Variants in TEC observed in about 807,000 individuals in gnomAD.
The protein encoded by TEC is tec protein tyrosine kinase.
A neutral mutation model predicts 93.0 loss-of-function variants in TEC; 72 were observed. The observed-to-expected ratio is 0.77, with a 90% CI of 0.64 to 0.94. The LOEUF is 0.94. TEC is among the 40% of genes least tolerant of loss of function. The pLI is 0.00. For synonymous variants in TEC, 249 were observed against 247.7 expected (o/e 1.01, Z -0.05); for missense variants, 630 against 757.9 (o/e 0.83, Z 1.98).
intron 1 of TEC, among the ~76,000 whole-genome samples, chr4:48,233,340 CT>C (rs34862159): frequency 0.18 from 24,393 of 138,382 alleles, 2,186 homozygotes; most frequent in Non-Finnish European, 0.21. Context: ...CCAATTGACA[CT>C]TTTTTTTTTT....
chr4:48,143,726 T>C (rs1372571448), intron 14 of TEC, among the ~76,000 whole-genome samples: 3 of 152,224 alleles, frequency 2.0e-5, no homozygotes, highest in African/African-American at 7.2e-5. Flanking sequence ...GTAGGGACTT[T>C]AGAGCCAAAC....
chr4:48,179,360 ATATATATATATATATATTTTTT>A (rs1721477060), intron 2 of TEC, among the ~76,000 whole-genome samples: 1 of 40,482 alleles, frequency 2.5e-5, no homozygotes, highest in Non-Finnish European at 5.2e-5. Flanking sequence ...ATATATATAT[ATATATATATATATATATTTTTT>A]TTTTTTTTTT....
intron 8 of TEC, among the ~76,000 whole-genome samples, chr4:48,162,536 CA>C (rs1720716184): frequency 6.6e-6 from 1 of 152,206 alleles, no homozygotes; most frequent in Non-Finnish European, 1.5e-5. Context: ...CACCTTTTAG[CA>C]CCTTCCCTAA....
intron 9 of TEC, among the ~76,000 whole-genome samples, chr4:48,152,783 T>C (rs928149385): frequency 6.6e-6 from 1 of 152,194 alleles, no homozygotes; most frequent in African/African-American, 2.4e-5. Flanking sequence ...GGCATGGTTA[T>C]GTGTAGTTGT....
chr4:48,193,806 T>C (rs1455980090), intron 2 of TEC, among the ~76,000 whole-genome samples: 1 of 151,942 alleles, frequency 6.6e-6, no homozygotes, highest in East Asian at 1.9e-4. Flanking sequence ...TTTATATCTT[T>C]ATGAAAGTGG....
At chr4:48,264,393 C>T (rs6447624) in intron 1 of TEC, among the ~76,000 whole-genome samples, 140,400 of 152,276 alleles carry the variant, frequency 0.92, 65,861 homozygotes, top group East Asian at 1. Flanking sequence ...TCAGGGGGTC[C>T]GTACACAAAC....
intron 4 of TEC, among the ~76,000 whole-genome samples, chr4:48,170,882 C>T (rs1721076428): frequency 6.6e-6 from 1 of 152,102 alleles, no homozygotes; most frequent in South Asian, 2.1e-4. Context: ...GAAACCCTGT[C>T]CCTACTAAAA....
At chr4:48,217,769 T>C (rs1723129542) in intron 2 of TEC, among the ~76,000 whole-genome samples, 1 of 151,750 alleles carries the variant, frequency 6.6e-6, no homozygotes, top group Non-Finnish European at 1.5e-5. Context: ...GGAATAGCTA[T>C]AAAGGCATCA....
chr4:48,142,374 G>A (rs1000324644), intron 14 of TEC, among the ~76,000 whole-genome samples: 1 of 152,126 alleles, frequency 6.6e-6, no homozygotes, highest in Admixed American at 6.6e-5. Flanking sequence ...CCTAGGACTG[G>A]AGGCAGGAGA....
chr4:48,154,133 A>C (rs1456549802), intron 9 of TEC, among the ~76,000 whole-genome samples: 1 of 152,212 alleles, frequency 6.6e-6, no homozygotes, highest in African/African-American at 2.4e-5. Flanking sequence ...GAAAGCTGTA[A>C]GGTTTGCTCC....
chr4:48,222,693 GC>G (rs36067666), intron 2 of TEC, among the ~76,000 whole-genome samples: 13,466 of 151,938 alleles, frequency 0.089, 725 homozygotes, highest in East Asian at 0.21. Context: ...CACTACTTGG[GC>G]TGAAACATCC....
chr4:48,212,452 C>T (rs1255663446), intron 2 of TEC, among the ~76,000 whole-genome samples: 10 of 152,122 alleles, frequency 6.6e-5, no homozygotes, highest in Non-Finnish European at 1.5e-4. Context: ...CTTGGTTCGC[C>T]TCCTCAGATG....
chr4:48,183,493 C>A (rs1321657998), intron 2 of TEC, among the ~76,000 whole-genome samples: 1 of 152,194 alleles, frequency 6.6e-6, no homozygotes, highest in East Asian at 1.9e-4. Flanking sequence ...ATCATCCAAT[C>A]CGATGAGGGG....
At chr4:48,235,713 C>T (rs1005169824) in intron 1 of TEC, among the ~76,000 whole-genome samples, 1 of 152,064 alleles carries the variant, frequency 6.6e-6, no homozygotes, top group Non-Finnish European at 1.5e-5. Context: ...TAGGGGAATC[C>T]AGGAGTATCC....
chr4:48,216,970 A>G (rs1024357675), intron 2 of TEC, among the ~76,000 whole-genome samples: 1 of 152,224 alleles, frequency 6.6e-6, no homozygotes, highest in Non-Finnish European at 1.5e-5. Context: ...CAAACCTTTG[A>G]TTAAACTCCT....
chr4:48,156,826 A>G (rs1489639762), intron 8 of TEC, 92 bp from the exon 9 acceptor site: 1 of 970,938 alleles, frequency 1.0e-6, no homozygotes, highest in Non-Finnish European at 1.5e-6. Flanking sequence ...GCTCATCAAT[A>G]ATAAATATAA....
intron 1 of TEC, among the ~76,000 whole-genome samples, chr4:48,260,590 C>T (rs967403997): frequency 3.4e-5 from 5 of 148,244 alleles, no homozygotes; most frequent in African/African-American, 1.0e-4. Context: ...AGCAACAGAG[C>T]AAGACTCTGT....
Position 48,145,431 on chromosome 4 carries a change from A to G in TEC, c.1230T>C (p.Phe410=). 6.2e-7 allele frequency: 1 copy of G among 1,614,182 alleles called. No homozygotes were observed. The highest frequency in any genetic ancestry group is 2.2e-5 in the East Asian group (1 of 44,878). Reference sequence around the variant, plus strand: ...ACATCATCACTTTAGCTTCTTCTATAAAGTCCTCCTCGCACATTGCACCTT... The same window carrying G: ...ACATCATCACTTTAGCTTCTTCTATGAAGTCCTCCTCGCACATTGCACCTT... The part of the protein sequence containing the change: ...IREGAMCEED[F]IEEAKVMMKL... The change falls in exon 13 of 18, where the codon TTT becomes TTC. Residue 410 remains phenylalanine, a synonymous_variant. Transcript: ENST00000381501.
intron 1 of TEC, among the ~76,000 whole-genome samples, chr4:48,269,546 G>C (rs1224428005): frequency 6.6e-6 from 1 of 152,266 alleles, no homozygotes; most frequent in Non-Finnish European, 1.5e-5. Flanking sequence ...GCCACTGCGC[G>C]CACCTGTCCC....
Sources: gnomAD v4.1 joint callset for allele counts (sites outside exome capture counted in the v4.1 genomes callset) on GRCh38, gnomAD v4.1.1 for gene constraint, MANE v1.5 for transcripts, NCBI Gene and HGNC (gene_info 2026-07-23, HGNC 2026-07-21) for gene names.